Variants in CCNY observed in about 807,000 individuals in gnomAD.
CCNY encodes cyclin-Y.
Under a neutral mutation model 42.8 loss-of-function variants are expected in CCNY, and 19 were observed. That is an observed-to-expected ratio of 0.44 (90% CI 0.31 to 0.65). CCNY has a LOEUF of 0.65. Ranked by LOEUF, CCNY falls within the 30% of genes least tolerant of loss-of-function variation. The pLI is 0.07. For synonymous variants in CCNY, 165 were observed against 162.7 expected (o/e 1.01, Z -0.11); for missense variants, 370 against 437.3 (o/e 0.85, Z 1.37).
At chr10:35,335,877 C>A (rs1836012754), upstream of CCNY, 1 of 148,410 alleles carries the variant, frequency 6.7e-6, no homozygotes, top group Non-Finnish European at 1.4e-5. Context: ...ACACACACAC[C>A]CGTAGTCCTC....
intron 3 of CCNY, among the ~76,000 whole-genome samples, chr10:35,274,003 A>G (rs964196000): frequency 2.0e-5 from 3 of 152,218 alleles, no homozygotes; most frequent in Admixed American, 6.5e-5. Flanking sequence ...TGCTACCTCC[A>G]GAACCTGGAA....
chr10:35,459,858 A>T (rs1163499994), intron 1 of CCNY, among the ~76,000 whole-genome samples: 2 of 152,180 alleles, frequency 1.3e-5, no homozygotes, highest in Non-Finnish European at 2.9e-5. Flanking sequence ...CTTGGGGGGA[A>T]TACATACTTG....
chr10:35,249,836 G>T (rs1209886574), intron 2 of CCNY, among the ~76,000 whole-genome samples: 2 of 152,048 alleles, frequency 1.3e-5, no homozygotes, highest in Admixed American at 6.6e-5. Context: ...GACTGCTTGA[G>T]GTCAGGAGTT....
At chr10:35,349,647 TAAGG>T (rs542725861) in intron 1 of CCNY, among the ~76,000 whole-genome samples, 154 of 152,332 alleles carry the variant, frequency 1.0e-3, no homozygotes, top group African/African-American at 3.5e-3. Flanking sequence ...CAGGAATTGA[TAAGG>T]AAGCTATAGC....
intron 2 of CCNY, among the ~76,000 whole-genome samples, chr10:35,499,984 C>CA (rs1840078926): frequency 6.6e-6 from 1 of 152,212 alleles, no homozygotes; most frequent in Non-Finnish European, 1.5e-5. Context: ...CCAGAGCTTC[C>CA]AGCCAGACCA....
intron 3 of CCNY, among the ~76,000 whole-genome samples, chr10:35,252,876 C>A (rs2095712937): frequency 6.6e-6 from 1 of 152,250 alleles, no homozygotes; most frequent in East Asian, 1.9e-4. Context: ...GCAGCAGAAG[C>A]TACTTTCCAA....
chr10:35,558,092 C>G (rs1361423835), intron 8 of CCNY, among the ~76,000 whole-genome samples: 1 of 152,232 alleles, frequency 6.6e-6, no homozygotes, highest in Non-Finnish European at 1.5e-5. Flanking sequence ...CTACCAACCC[C>G]TGCTTCAGTT....
At chr10:35,411,793 C>G (rs943079399) in intron 1 of CCNY, among the ~76,000 whole-genome samples, 1 of 152,192 alleles carries the variant, frequency 6.6e-6, no homozygotes, top group Non-Finnish European at 1.5e-5. Flanking sequence ...GTATTTAGTG[C>G]AGTTCTAGCA....
intron 1 of CCNY, among the ~76,000 whole-genome samples, chr10:35,447,131 G>T (rs1838809128): frequency 6.6e-6 from 1 of 152,140 alleles, no homozygotes; most frequent in Admixed American, 6.5e-5. Flanking sequence ...CAAAAAATTA[G>T]CCGGATGTGG....
intron 2 of CCNY, among the ~76,000 whole-genome samples, chr10:35,488,674 G>A (rs192707512): frequency 1.8e-4 from 27 of 152,220 alleles, no homozygotes; most frequent in Admixed American, 1.0e-3. Context: ...GCATTTTTAC[G>A]TTGACCTTAA....
chr10:35,453,044 C>T (rs934664023), intron 1 of CCNY, among the ~76,000 whole-genome samples: 7 of 152,148 alleles, frequency 4.6e-5, no homozygotes, highest in Non-Finnish European at 1.0e-4. Context: ...GCACAATCAT[C>T]GTTCACTGTA....
chr10:35,506,831 A>T (rs1448866438), intron 3 of CCNY, among the ~76,000 whole-genome samples: 1 of 152,182 alleles, frequency 6.6e-6, no homozygotes, highest in Non-Finnish European at 1.5e-5. Flanking sequence ...TCTTTTGTAT[A>T]TAGTGTTAGG....
intron 3 of CCNY, among the ~76,000 whole-genome samples, chr10:35,331,373 C>T (rs1184254557): frequency 1.3e-5 from 2 of 152,168 alleles, no homozygotes; most frequent in Non-Finnish European, 2.9e-5. Flanking sequence ...AGGTAGAGTT[C>T]GACAAGACAG....
At chr10:35,257,193 TTTC>T (rs2095716203) in intron 3 of CCNY, among the ~76,000 whole-genome samples, 1 of 141,194 alleles carries the variant, frequency 7.1e-6, no homozygotes, top group Non-Finnish European at 1.6e-5. Context: ...CTCTCTTTCT[TTTC>T]TTTTTTCTTT....
chr10:35,532,455 C>T (rs1190247607), intron 7 of CCNY, among the ~76,000 whole-genome samples: 1 of 152,194 alleles, frequency 6.6e-6, no homozygotes, highest in African/African-American at 2.4e-5. Context: ...GCCTACAGGC[C>T]CTTCAAACAC....
intron 3 of CCNY, among the ~76,000 whole-genome samples, chr10:35,302,154 G>A (rs1052426561): frequency 6.7e-6 from 1 of 150,020 alleles, no homozygotes; most frequent in Non-Finnish European, 1.5e-5. Context: ...GTAGAGATGG[G>A]GTTTTGCCAT....
At chr10:35,303,998 T>G (rs1208112965) in intron 3 of CCNY, among the ~76,000 whole-genome samples, 2 of 152,154 alleles carry the variant, frequency 1.3e-5, no homozygotes, top group Non-Finnish European at 2.9e-5. Flanking sequence ...GAATTAGAGC[T>G]AATTAGGAAG....
chr10:35,430,154 G>T (rs1374957924), intron 1 of CCNY, among the ~76,000 whole-genome samples: 2 of 151,192 alleles, frequency 1.3e-5, no homozygotes, highest in Non-Finnish European at 2.9e-5. Flanking sequence ...CGGCTAAAAC[G>T]GTGAAACCCC....
intron 1 of CCNY, among the ~76,000 whole-genome samples, chr10:35,427,121 C>A (rs1011640555): frequency 2.0e-5 from 3 of 152,210 alleles, no homozygotes; most frequent in Non-Finnish European, 2.9e-5. Flanking sequence ...GACCCTGTCA[C>A]GAATTTATTA....
Sources: gnomAD v4.1 joint callset for allele counts (sites outside exome capture counted in the v4.1 genomes callset) on GRCh38, gnomAD v4.1.1 for gene constraint, MANE v1.5 for transcripts, NCBI Gene and HGNC (gene_info 2026-07-23, HGNC 2026-07-21) for gene names.